The following CSTF3 variants were observed in gnomAD, a reference collection of about 807,000 sequenced individuals.
The protein encoded by CSTF3 is cleavage stimulation factor subunit 3.
CSTF3 carries 29 observed loss-of-function variants against 105.8 expected under a neutral mutation model. The observed-to-expected ratio is 0.27, with a 90% CI of 0.20 to 0.37. The LOEUF (loss-of-function observed/expected upper bound fraction) is 0.37. Ranked by LOEUF, CSTF3 falls within the 10% of genes least tolerant of loss-of-function variation. CSTF3 has a pLI of 1.00. For synonymous variants in CSTF3, 252 were observed against 281.9 expected (o/e 0.89, Z 1.06); for missense variants, 357 against 879.3 (o/e 0.41, Z 7.51).
rs759404380 is a variant in CSTF3, at chr11:33,098,720, A to C, written c.1098T>G (p.Leu366=). ...TAGGGTCAATATCCTCAATTGCCAG[A>C]AGTCTGTTATATATACTGTGAACCT... ...YEKVHSIYNR[L]LAIEDIDPTL... is the part of the protein sequence containing the mutation. The change falls in exon 13 of 21, where the codon CTT becomes CTG. Residue 366 remains leucine (L), a synonymous_variant. Coordinates refer to ENST00000323959, the MANE Select transcript of CSTF3 (RefSeq NM_001326.3). The C allele has an allele frequency of 6.3e-7, 1 of 1,576,144 alleles. No individual in the cohort carries two copies. The highest frequency in any genetic ancestry group is 1.2e-5 in the South Asian group (1 of 84,346).
chr11:33,086,933 T>C (rs1295860155), intron 18 of CSTF3, 55 bp downstream of exon 18: 1 of 1,607,748 alleles, frequency 6.2e-7, no homozygotes, highest in Non-Finnish European at 8.5e-7. Flanking sequence ...ACGCTTTGGA[T>C]TTAAATCAAC....
At chr11:33,106,430 AATAAATT>A (rs1389686253) in intron 5 of CSTF3, among the ~76,000 whole-genome samples, 1 of 151,938 alleles carries the variant, frequency 6.6e-6, no homozygotes, top group Non-Finnish European at 1.5e-5. Context: ...AAAAATTAAA[AATAAATT>A]ATTATTTGAA....
intron 10 of CSTF3, among the ~76,000 whole-genome samples, chr11:33,100,968 T>C (rs896060080): frequency 6.6e-6 from 1 of 152,122 alleles, no homozygotes; most frequent in Admixed American, 6.6e-5. Context: ...AAGTAAAAAT[T>C]ATAAATAAAC....
chr11:33,160,069 C>A (rs1045171088), intron 1 of CSTF3, among the ~76,000 whole-genome samples: 1 of 151,340 alleles, frequency 6.6e-6, no homozygotes, highest in Non-Finnish European at 1.5e-5. Flanking sequence ...TCAATGAAAC[C>A]TCAGTTCATT....
chr11:33,127,148 T>G (rs6484649), intron 3 of CSTF3, among the ~76,000 whole-genome samples: 151,475 of 152,302 alleles, frequency 0.99, 75,334 homozygotes, highest in Middle Eastern at 1. Flanking sequence ...GACTAGAGAA[T>G]AGACTTTACT....
intron 3 of CSTF3, 27 bp downstream of exon 3, chr11:33,141,640 T>G (rs774457416): frequency 5.0e-6 from 8 of 1,594,388 alleles, no homozygotes; most frequent in Admixed American, 3.5e-5. Flanking sequence ...AATACTGATA[T>G]AAGAAAAAAT....
intron 15 of CSTF3, 44 bp from the exon 16 acceptor site, chr11:33,092,384 C>T (rs376585351): frequency 8.5e-6 from 11 of 1,288,084 alleles, no homozygotes; most frequent in Middle Eastern, 1.9e-4. Flanking sequence ...TTCACTTTTA[C>T]GATGCAACAA....
intron 1 of CSTF3, among the ~76,000 whole-genome samples, chr11:33,148,574 T>C (rs1005546454): frequency 4.0e-5 from 6 of 149,352 alleles, no homozygotes; most frequent in African/African-American, 9.7e-5. Flanking sequence ...TATGTGCCTG[T>C]AGTCTCACAC....
chr11:33,160,039 A>G (rs771515106), intron 1 of CSTF3, among the ~76,000 whole-genome samples: 25 of 152,078 alleles, frequency 1.6e-4, no homozygotes, highest in Non-Finnish European at 3.5e-4. Flanking sequence ...CTAAGAATTA[A>G]CAATGAATTT....
At chr11:33,142,689 C>T (rs558323284) in intron 1 of CSTF3, among the ~76,000 whole-genome samples, 2 of 152,166 alleles carry the variant, frequency 1.3e-5, no homozygotes, top group African/African-American at 2.4e-5. Flanking sequence ...GAAATTAAAA[C>T]AAATTTAAAT....
intron 5 of CSTF3, 29 bp from the exon 6 acceptor site, chr11:33,106,093 T>A (rs1377015712): frequency 1.9e-6 from 3 of 1,577,408 alleles, no homozygotes; most frequent in East Asian, 4.5e-5. Context: ...ACGTGGTTTT[T>A]AAATTTTTTT....
chr11:33,086,856 C>T (rs1855110515), intron 18 of CSTF3, 132 bp downstream of exon 18: 3 of 1,022,214 alleles, frequency 2.9e-6, no homozygotes, highest in Non-Finnish European at 3.0e-6. Context: ...AAAGCTAAAT[C>T]ACTTGTCATA....
chr11:33,132,429 A>C (rs971488361), intron 3 of CSTF3, among the ~76,000 whole-genome samples: 1 of 152,236 alleles, frequency 6.6e-6, no homozygotes, highest in Non-Finnish European at 1.5e-5. Flanking sequence ...TGATTACTAC[A>C]TTGCCCAGGC....
chr11:33,131,708 C>T (rs962521297), intron 3 of CSTF3, among the ~76,000 whole-genome samples: 13 of 151,970 alleles, frequency 8.6e-5, no homozygotes, highest in African/African-American at 2.7e-4. Flanking sequence ...AAAAATTAGC[C>T]GGGAGTGGTG....
intron 3 of CSTF3, among the ~76,000 whole-genome samples, chr11:33,109,994 C>T (rs1050519296): frequency 2.0e-5 from 3 of 152,178 alleles, no homozygotes; most frequent in Non-Finnish European, 4.4e-5. Context: ...GTATTTGGTT[C>T]ATACATAACG....
chr11:33,092,834 A>G (rs1402105035), intron 15 of CSTF3, among the ~76,000 whole-genome samples: 1 of 152,198 alleles, frequency 6.6e-6, no homozygotes, highest in African/African-American at 2.4e-5. Context: ...CAGAGGTACA[A>G]TATCTAGGTT....
At chr11:33,096,690 C>A in intron 14 of CSTF3, 145 bp downstream of exon 14, 1 of 723,786 alleles carries the variant, frequency 1.4e-6, no homozygotes, top group East Asian at 2.8e-5. Context: ...GATGATGCTC[C>A]ATAAAATTTT....
rs574180523 is a variant in CSTF3 at position 33,152,687 on chromosome 11, G to A, written c.27+8612C>T. On this transcript the variant is annotated intron_variant, in intron 1 of 20. Coordinates refer to ENST00000323959, the MANE Select transcript of CSTF3 (RefSeq NM_001326.3). Reference sequence around the variant, plus strand: ...AAAAACTGAGGAGCTTGGGCCGGGCGCGGTGACTCACGCCTGTAATCTCAG... The same window carrying A: ...AAAAACTGAGGAGCTTGGGCCGGGCACGGTGACTCACGCCTGTAATCTCAG... Among the ~76,000 whole-genome samples, 15 of 152,214 alleles carry A rather than the reference G, an allele frequency of 9.9e-5. No homozygotes were observed. The South Asian group carries it at 1.5e-3, about 15-fold the overall frequency.
chr11:33,147,817 C>T (rs144197226), intron 1 of CSTF3, among the ~76,000 whole-genome samples: 2 of 152,116 alleles, frequency 1.3e-5, no homozygotes, highest in East Asian at 1.9e-4. Context: ...TATGAGTTGT[C>T]GATTTCTTTT....
Sources: allele counts gnomAD v4.1 joint callset (sites outside exome capture counted in the v4.1 genomes callset), GRCh38; gene constraint gnomAD v4.1.1; transcripts MANE v1.5; gene names NCBI Gene and HGNC (gene_info 2026-07-23, HGNC 2026-07-21).